ANKRD42: variants seen among roughly 807,000 people sequenced by gnomAD.
The protein encoded by ANKRD42 is ankyrin repeat domain-containing protein 42.
Under a neutral mutation model 51.5 loss-of-function variants are expected in ANKRD42, and 43 were observed. The ratio of observed to expected loss-of-function variants is 0.83; its 90% CI spans 0.65 to 1.08. The LOEUF (loss-of-function observed/expected upper bound fraction) is 1.08. Among genes scored for constraint, ANKRD42 ranks in the 50% least tolerant of loss-of-function variants. ANKRD42 has a pLI of 0.00. For missense variants in ANKRD42, 608 were observed against 629.3 expected (o/e 0.97, Z 0.36); for synonymous variants, 203 against 213.0 (o/e 0.95, Z 0.41).
At chr11:83,205,425 C>A (rs185309286) in intron 2 of ANKRD42, among the ~76,000 whole-genome samples, 7 of 152,134 alleles carry the variant, frequency 4.6e-5, no homozygotes, top group African/African-American at 1.7e-4. Context: ...ATGATATGAT[C>A]AATTCTTTTA....
At chr11:83,228,626 T>C (rs1862971437) in intron 7 of ANKRD42, among the ~76,000 whole-genome samples, 3 of 152,242 alleles carry the variant, frequency 2.0e-5, no homozygotes, top group Admixed American at 2.0e-4. Flanking sequence ...CAAATACTTC[T>C]GGCAGTCCTC....
chr11:83,196,361 A>G (rs917084798), intron 1 of ANKRD42, among the ~76,000 whole-genome samples: 5 of 151,400 alleles, frequency 3.3e-5, no homozygotes, highest in Non-Finnish European at 7.4e-5. Flanking sequence ...TATCCCCTTA[A>G]TACTTTAGTA....
Position 83,197,825 on chromosome 11 carries a change from T to A in ANKRD42, c.59-654T>A, listed in dbSNP as rs1028165204. ...TAGTGTAAGACATAAATTAGAAATATAAGAAAGATGTTGATAAAATATATT... is the reference window on the plus strand; with the variant it reads ...TAGTGTAAGACATAAATTAGAAATAAAAGAAAGATGTTGATAAAATATATT... On this transcript the variant is annotated intron_variant, in intron 1 of 10. Transcript: ENST00000533342. Among the ~76,000 whole-genome samples, 28 of 152,198 alleles carry A rather than the reference T, an allele frequency of 1.8e-4. 1 individual carries two copies. The highest frequency in any genetic ancestry group is 7.3e-5 in the Non-Finnish European group (5 of 68,038).
In ANKRD42 at chr11:83,225,165, C is replaced by G. The variant is rs937861959; in HGVS notation, c.787+110C>G. The G allele has an allele frequency of 1.0e-4, 88 of 845,936 alleles. No homozygotes were observed. The African/African-American group carries it at 1.4e-3, about 13-fold the overall frequency. 52.4% of individuals were successfully genotyped at this position (845,936 alleles called of 1,614,324 possible). A position where few individuals can be genotyped will look rare whatever the true frequency, so the allele number is the denominator to read the frequency against. Reference sequence around the variant, plus strand: ...AAAGATATAAGGCAAATGTTATATACGTTATATGTAAAAATATAAACATGT... The same window carrying G: ...AAAGATATAAGGCAAATGTTATATAGGTTATATGTAAAAATATAAACATGT... On this transcript the variant is annotated intron_variant, in intron 6 of 10. Coordinates refer to ENST00000533342, the MANE Select transcript of ANKRD42 (RefSeq NM_001300975.2).
chr11:83,262,963 C>T (rs1334063884), downstream of ANKRD42, among the ~76,000 whole-genome samples: 1 of 152,180 alleles, frequency 6.6e-6, no homozygotes, highest in Non-Finnish European at 1.5e-5. Context: ...ACACACACTA[C>T]TTTATTTAAC....
Position 83,194,537 on chromosome 11 carries a change from T to C in ANKRD42, c.-134T>C, listed in dbSNP as rs763034430. The C allele has an allele frequency of 6.6e-5, 55 of 833,524 alleles. No individual in the cohort carries two copies. Among genetic ancestry groups the C allele is most frequent in the Non-Finnish European group, 8.6e-5 (43 of 497,114 alleles). 51.6% of individuals were successfully genotyped at this position (833,524 alleles called of 1,614,324 possible). On this transcript the variant is annotated 5_prime_UTR_variant, in exon 1 of 11. Transcript: ENST00000533342. ...TTCTGGGAGAGAGCAAGAGAGGACC[T>C]TGGGCCCCGTCCTAGTGACGACGGA...
At chr11:83,235,702 G>C (rs1042000235) in intron 7 of ANKRD42, among the ~76,000 whole-genome samples, 1 of 152,178 alleles carries the variant, frequency 6.6e-6, no homozygotes, top group Non-Finnish European at 1.5e-5. Flanking sequence ...GCTTCCTTGA[G>C]TTTCAAGATG....
chr11:83,253,088 C>G (rs889088987), downstream of ANKRD42, among the ~76,000 whole-genome samples: 4 of 152,154 alleles, frequency 2.6e-5, no homozygotes, highest in Admixed American at 6.5e-5. Context: ...TATTTTCTAC[C>G]TACAAAGGTC....
downstream of ANKRD42, among the ~76,000 whole-genome samples, chr11:83,257,782 A>G (rs1245377653): frequency 6.6e-6 from 1 of 152,186 alleles, no homozygotes; most frequent in Non-Finnish European, 1.5e-5. Context: ...TTCTTCCTGT[A>G]CCAGTGAGGT....
At chr11:83,229,455 G>C (rs1863000820) in intron 7 of ANKRD42, among the ~76,000 whole-genome samples, 1 of 151,900 alleles carries the variant, frequency 6.6e-6, no homozygotes, top group African/African-American at 2.4e-5. Flanking sequence ...CGCGTGTGTG[G>C]GGGTGTCATT....
chr11:83,213,214 G>C, intron 5 of ANKRD42: 1 of 1,599,724 alleles, frequency 6.3e-7, no homozygotes, highest in Non-Finnish European at 8.5e-7. Flanking sequence ...AGCACATGCT[G>C]CCTACTGACT....
intron 10 of ANKRD42, among the ~76,000 whole-genome samples, chr11:83,247,563 T>C (rs1337314251): frequency 1.3e-5 from 2 of 152,222 alleles, no homozygotes; most frequent in African/African-American, 2.4e-5. Flanking sequence ...AAGCCTTCCC[T>C]AGCCACTGTG....
At chr11:83,210,163 C>G (rs771182399) in intron 3 of ANKRD42, 137 bp from the exon 4 acceptor site, 1 of 767,022 alleles carries the variant, frequency 1.3e-6, no homozygotes, top group Non-Finnish European at 2.0e-6. Flanking sequence ...TATGTTTTGC[C>G]TGTAGCACAT....
chr11:83,215,059 T>C (rs1430765045), intron 5 of ANKRD42: 1 of 152,236 alleles, frequency 6.6e-6, no homozygotes, highest in African/African-American at 2.4e-5. Context: ...CTGACAGTAT[T>C]TCATTCATTT....
downstream of ANKRD42, among the ~76,000 whole-genome samples, chr11:83,252,437 AATC>A (rs1412785362): frequency 6.6e-6 from 1 of 152,220 alleles, no homozygotes; most frequent in African/African-American, 2.4e-5. Context: ...CTCAAACTAG[AATC>A]ATCTAAAAAT....
chr11:83,248,177 C>T lies in ANKRD42; in HGVS notation c.1557C>T (p.Asp519=). 2 of 1,523,124 alleles carry T rather than the reference C, an allele frequency of 1.3e-6. No homozygotes were observed. Among genetic ancestry groups the T allele is most frequent in the Non-Finnish European group, 1.8e-6 (2 of 1,137,176 alleles). 94.4% of individuals were successfully genotyped at this position (1,523,124 alleles called of 1,614,324 possible). A position where few individuals can be genotyped will look rare whatever the true frequency, so the allele number is the denominator to read the frequency against. ...RVQALGWGSL[D]LNPGYSLF Reference sequence around the variant, plus strand: ...AAGCTTTGGGCTGGGGCTCTTTGGACTTGAATCCTGGCTATAGTCTTTTTT... The same window carrying T: ...AAGCTTTGGGCTGGGGCTCTTTGGATTTGAATCCTGGCTATAGTCTTTTTT... Residue 519 remains aspartate, a synonymous_variant, in exon 11 of 11, where the codon GAC becomes GAT. Coordinates refer to ENST00000533342, the MANE Select transcript of ANKRD42 (RefSeq NM_001300975.2).
chr11:83,245,099 T>C (rs1467385940), intron 9 of ANKRD42, among the ~76,000 whole-genome samples: 6 of 152,202 alleles, frequency 3.9e-5, no homozygotes, highest in Admixed American at 3.9e-4. Flanking sequence ...AGACGGGGTT[T>C]CACCATGTTG....
intron 8 of ANKRD42, among the ~76,000 whole-genome samples, chr11:83,238,661 T>C (rs1863294049): frequency 6.6e-6 from 1 of 152,092 alleles, no homozygotes; most frequent in South Asian, 2.1e-4. Flanking sequence ...AGAAACCCTG[T>C]GTCTACTAAA....
intron 2 of ANKRD42, among the ~76,000 whole-genome samples, chr11:83,204,213 G>A (rs1320342293): frequency 2.0e-5 from 3 of 152,142 alleles, no homozygotes; most frequent in African/African-American, 7.2e-5. Flanking sequence ...AAAATGCTGA[G>A]ATTACAGACA....
Sources: gnomAD v4.1 joint callset for allele counts (sites outside exome capture counted in the v4.1 genomes callset) on GRCh38, gnomAD v4.1.1 for gene constraint, MANE v1.5 for transcripts, NCBI Gene and HGNC (gene_info 2026-07-23, HGNC 2026-07-21) for gene names.